Variants in ARSF observed in about 807,000 individuals in gnomAD.
ARSF encodes the protein arylsulfatase F.
ARSF carries 33 observed loss-of-function variants against 35.4 expected under a neutral mutation model. The observed-to-expected ratio is 0.93, with a 90% confidence interval of 0.71 to 1.25. ARSF has a LOEUF of 1.25. Ranked by LOEUF, ARSF falls within the 50% of genes most tolerant of loss-of-function variation. ARSF has a pLI of 0.00. For synonymous variants in ARSF, 222 were observed against 193.1 expected (o/e 1.15, Z -1.24); for missense variants, 501 against 480.2 (o/e 1.04, Z -0.40).
intron 2 of ARSF, 61 bp from the exon 3 acceptor site, chrX:3,071,965 G>A: frequency 1.7e-6 from 2 of 1,147,852 alleles, no homozygotes; most frequent in Non-Finnish European, 2.4e-6. Context: ...TGTGTTGGGA[G>A]GTGGATCCTG....
chrX:3,056,456 A>G (rs1163153589), intron 1 of ARSF, among the ~76,000 whole-genome samples: 1 of 108,272 alleles, frequency 9.2e-6, no homozygotes, highest in Non-Finnish European at 1.9e-5. Flanking sequence ...TTATATTTTT[A>G]GTAGAGACGG....
Position 3,072,166 on chromosome X carries a change from A to G in ARSF, c.152A>G (p.Asp51Gly). 1.7e-6 allele frequency: 2 copies of G among 1,210,674 alleles called. No homozygotes were observed. Among genetic ancestry groups the G allele is most frequent in the Non-Finnish European group, 2.2e-6 (2 of 894,792 alleles). Residue 51 changes from aspartate (D) to glycine (G), a missense_variant, in exon 3 of 11, where the codon GAC becomes GGC. Asp to Gly is a moderately conservative substitution (Grantham distance 94, BLOSUM62 -1). Transcript: ENST00000381127. ...GGAGATCTGGGCTGCTACGGCAATG[A>G]CACCATGAGGTAAGGCGGTTTCATG... The part of the protein sequence containing the change: ...GIGDLGCYGN[D>G]TMRTPHIDRL...
intron 7 of ARSF, among the ~76,000 whole-genome samples, chrX:3,092,903 T>C (rs1341720607): frequency 1.8e-5 from 2 of 112,300 alleles, no homozygotes; most frequent in Admixed American, 9.4e-5. Flanking sequence ...CCGGGCGCGG[T>C]GGCTCACGCC....
At position 3,080,934 on chromosome X, in the gene ARSF, A is replaced by G. The variant is rs188839908; in HGVS notation, c.327A>G (p.Ala109=). Residue 109 remains alanine (A), a synonymous_variant, in exon 5 of 11, where the codon GCA becomes GCG. Coordinates refer to ENST00000381127, the MANE Select transcript of ARSF (RefSeq NM_001201539.2). ...SGNRRVIQNL[A]VPAGLPLNET... ...ATAGACGTGTCATCCAAAATCTTGC[A>G]GTCCCCGCAGGCCTCCCTCTTAATG... is the stretch of plus-strand genomic sequence containing the variant. 8.3e-7 allele frequency: 1 copy of G among 1,211,600 alleles called. No individual in the cohort carries two copies. The highest frequency in any genetic ancestry group is 1.7e-5 in the African/African-American group (1 of 57,799).
Position 3,112,460 on chromosome X carries a change from G to C in ARSF, c.1677G>C (p.Arg559Ser), listed in dbSNP as rs1312508353. 2.5e-6 allele frequency: 3 copies of C among 1,211,689 alleles called. No homozygotes were observed. The highest frequency in any genetic ancestry group is 3.3e-6 in the Non-Finnish European group (3 of 895,541). ...AACTCTCAGAACTGAATCAGGGCAG[G>C]ACGTGGCTGAAGCCTTGCTGTGGGG... ...TYQLSELNQG[R>S]TWLKPCCGVF... Residue 559 changes from arginine to serine, a missense_variant, in exon 11 of 11, where the codon AGG becomes AGC. Arg to Ser is a moderately radical substitution (Grantham distance 110). Transcript: ENST00000381127.
At chrX:3,111,499 C>T (rs1439831744) in intron 10 of ARSF, among the ~76,000 whole-genome samples, 3 of 110,704 alleles carry the variant, frequency 2.7e-5, no homozygotes, top group African/African-American at 6.6e-5. Context: ...ATTGAATATC[C>T]TCCTTCTAGC....
chrX:3,076,645 A>G lies in ARSF; in HGVS notation c.259A>G (p.Thr87Ala), dbSNP rs2090153752. ...LCSPSRSAFLTGRYPIRSGMV... is the reference protein window; with the variant it reads ...LCSPSRSAFLAGRYPIRSGMV... ...CAGCCCAAGCCGGTCCGCGTTCTTG[A>G]CGGGAAGATACCCCATCCGATCAGG... Residue 87 changes from threonine to alanine, a missense_variant, in exon 4 of 11, where the codon ACG (threonine) becomes GCG (alanine). Physicochemically the swap from Thr to Ala is moderately conservative, Grantham distance 58 (BLOSUM62 0). Transcript: ENST00000381127. The G allele has an allele frequency of 8.3e-7, 1 of 1,211,455 alleles. No individual in the cohort carries two copies. The highest frequency in any genetic ancestry group is 3.0e-5 in the East Asian group (1 of 33,829).
At chrX:3,063,177 C>G (rs1219753143) in intron 1 of ARSF, among the ~76,000 whole-genome samples, 1 of 111,819 alleles carries the variant, frequency 8.9e-6, no homozygotes, top group East Asian at 2.8e-4. Flanking sequence ...CATAATCCAT[C>G]ACATAAACAG....
At chrX:3,095,249 C>T (rs1238255664) in intron 7 of ARSF, among the ~76,000 whole-genome samples, 2 of 108,740 alleles carry the variant, frequency 1.8e-5, no homozygotes, top group Non-Finnish European at 3.8e-5. Context: ...ACAAACAACT[C>T]AAAGTAATTT....
rs781566088 is a variant in ARSF, at chrX:3,089,516, T to G, written c.851T>G (p.Leu284Arg). The G allele has an allele frequency of 5.0e-6, 6 of 1,211,532 alleles. No individual in the cohort carries two copies. The highest frequency in any genetic ancestry group is 6.7e-6 in the Non-Finnish European group (6 of 895,288). ...CTCAGGCACAGTAAGGAAACTTTCC[T>G]TCTCTTTTTCTCCTTTCTTCACGTG... Reference protein sequence around the residue: ...FLERHSKETFLLFFSFLHVHT... With the variant: ...FLERHSKETFRLFFSFLHVHT... Residue 284 changes from leucine (L) to arginine (R), a missense_variant, in exon 7 of 11, where the codon CTT becomes CGT. Coordinates refer to ENST00000381127, the MANE Select transcript of ARSF (RefSeq NM_001201539.2).
chrX:3,082,503 C>T (rs1270721986), intron 5 of ARSF, among the ~76,000 whole-genome samples: 1 of 111,595 alleles, frequency 9.0e-6, no homozygotes, highest in Non-Finnish European at 1.9e-5. Context: ...TTCATCCACT[C>T]ATTCATCTAT....
chrX:3,043,751 T>C (rs768297762), intron 1 of ARSF, among the ~76,000 whole-genome samples: 55 of 111,194 alleles, frequency 4.9e-4, no homozygotes, highest in African/African-American at 1.8e-3. Context: ...TGTGTGTCTG[T>C]CTATAAGTTT....
At chrX:3,079,698 A>G (rs1240803485) in intron 4 of ARSF, among the ~76,000 whole-genome samples, 4 of 108,611 alleles carry the variant, frequency 3.7e-5, no homozygotes, top group African/African-American at 1.0e-4. Flanking sequence ...GGTGGCTCAC[A>G]CCTGTAATCC....
chrX:3,110,188 T>C lies in ARSF; in HGVS notation c.1326T>C (p.His442=). The C allele has an allele frequency of 1.7e-6, 2 of 1,203,831 alleles. No homozygotes were observed. The highest frequency in any genetic ancestry group is 2.2e-6 in the Non-Finnish European group (2 of 891,125). Residue 442 remains histidine (H), a synonymous_variant, in exon 10 of 11, where the codon CAT becomes CAC. Transcript: ENST00000381127. The part of the protein sequence containing the change: ...LLQGNVRHSE[H]EFLFHYCGSY... ...AGGGCAACGTCAGGCACTCGGAGCA[T>C]GAATTTCTTTTCCACTACTGTGGCT...
intron 1 of ARSF, among the ~76,000 whole-genome samples, chrX:3,043,617 G>A (rs2089963738): frequency 9.0e-6 from 1 of 111,280 alleles, no homozygotes; most frequent in Non-Finnish European, 1.9e-5. Context: ...AAAGGCCTGG[G>A]ATGGTAACTC....
chrX:3,110,614 T>C (rs773338868), intron 10 of ARSF, among the ~76,000 whole-genome samples: 1 of 112,427 alleles, frequency 8.9e-6, no homozygotes, highest in South Asian at 3.7e-4. Flanking sequence ...CATACATTTT[T>C]AGTCAGGTGT....
intron 2 of ARSF, 149 bp from the exon 3 acceptor site, chrX:3,071,877 G>T: frequency 1.9e-6 from 1 of 537,124 alleles, no homozygotes. Flanking sequence ...AGCAGTGCTC[G>T]GTGCTTGGAG....
chrX:3,110,235 G>A lies in ARSF; in HGVS notation c.1373G>A (p.Trp458Ter). The change falls in exon 10 of 11, where the codon TGG becomes TAG. Residue 458 changes from tryptophan (W) to a stop codon, truncating the protein, a stop_gained. Coordinates refer to ENST00000381127, the MANE Select transcript of ARSF (RefSeq NM_001201539.2). LOFTEE classifies it low-confidence loss of function (END_TRUNC). ...GGCTCCTACCTGCACGCCGTGCGGT[G>A]GATCCCCAAGGACGACAGTGAGTGC... Reference protein sequence around the residue: ...YCGSYLHAVRWIPKDDSGSVW... With the variant: ...YCGSYLHAVR 8.5e-7 allele frequency: 1 copy of A among 1,181,859 alleles called. No homozygotes were observed. The highest frequency in any genetic ancestry group is 1.1e-6 in the Non-Finnish European group (1 of 879,560).
chrX:3,090,811 C>T (rs760691617), intron 7 of ARSF, among the ~76,000 whole-genome samples: 5 of 111,845 alleles, frequency 4.5e-5, no homozygotes, highest in African/African-American at 1.3e-4. Flanking sequence ...ATGGTGTATA[C>T]GTACCACATT....
Sources: allele counts gnomAD v4.1 joint callset (sites outside exome capture counted in the v4.1 genomes callset), GRCh38; gene constraint gnomAD v4.1.1; transcripts MANE v1.5; gene names NCBI Gene and HGNC (gene_info 2026-07-23, HGNC 2026-07-21).